ACOT11: variants seen among roughly 807,000 people sequenced by gnomAD.
ACOT11 encodes acyl-CoA thioesterase 11.
ACOT11 carries 69 observed loss-of-function variants against 77.5 expected under a neutral mutation model. The observed-to-expected ratio is 0.89, with a 90% confidence interval of 0.73 to 1.09. ACOT11 has a LOEUF of 1.09. Among genes scored for constraint, ACOT11 ranks in the 50% least tolerant of loss-of-function variants. The pLI is 0.00. For synonymous variants in ACOT11, 279 were observed against 313.0 expected (o/e 0.89, Z 1.15); for missense variants, 766 against 813.7 (o/e 0.94, Z 0.71).
At chr1:54,620,845 CAAAAAAAAAAAAAAA>C (rs767625864) in intron 15 of ACOT11, among the ~76,000 whole-genome samples, 24 of 12,136 alleles carry the variant, frequency 2.0e-3, no homozygotes, top group East Asian at 5.4e-3. Context: ...GAGACTCTGT[CAAAAAAAAAAAAAAA>C]AAAAAAAAAA....
In ACOT11 at chr1:54,599,421, G is replaced by A. The variant is rs140890441; in HGVS notation, c.884+6G>A. 1.3e-6 allele frequency: 2 copies of A among 1,598,652 alleles called. No homozygotes were observed. The highest frequency in any genetic ancestry group is 1.7e-6 in the Non-Finnish European group (2 of 1,171,292). On this transcript the variant is annotated splice_donor_region_variant and intron_variant, in intron 8 of 15. Coordinates refer to ENST00000343744, the MANE Select transcript of ACOT11 (RefSeq NM_147161.4). Reference sequence around the variant, plus strand: ...AACAATGCCTTCAAACATAGGTGAGGGTCTGGGATGGGTGCGGCCACGTCC... The same window carrying A: ...AACAATGCCTTCAAACATAGGTGAGAGTCTGGGATGGGTGCGGCCACGTCC...
chr1:54,611,843 A>G (rs915185334), downstream of ACOT11: 2 of 1,455,772 alleles, frequency 1.4e-6, no homozygotes, highest in Non-Finnish European at 1.9e-6. Flanking sequence ...GGCGCAGGGT[A>G]GAGCATCTGT....
chr1:54,569,722 A>G (rs300277), intron 1 of ACOT11, among the ~76,000 whole-genome samples: 71,118 of 152,152 alleles, frequency 0.47, 17,203 homozygotes, highest in South Asian at 0.55. Flanking sequence ...CTGTTTTCCC[A>G]TAAACAACTA....
chr1:54,609,105 C>A lies in ACOT11; in HGVS notation c.1778C>A (p.Thr593Asn). 1.9e-6 allele frequency: 3 copies of A among 1,614,114 alleles called. No homozygotes were observed. Among genetic ancestry groups the A allele is most frequent in the Non-Finnish European group, 2.5e-6 (3 of 1,180,000 alleles). ...NRNDLAPSLQ[T>N]L ...AATGATCTGGCCCCCAGCCTCCAGACCCTCTAGATGCCCTCAGTGGCCACA... is the reference window on the plus strand; with the variant it reads ...AATGATCTGGCCCCCAGCCTCCAGAACCTCTAGATGCCCTCAGTGGCCACA... The change falls in exon 16 of 16, where the codon ACC (threonine) becomes AAC (asparagine). Residue 593 changes from threonine to asparagine, a missense_variant. Transcript: ENST00000343744.
chr1:54,562,717 A>G (rs1438358235), intron 1 of ACOT11, among the ~76,000 whole-genome samples: 2 of 59,632 alleles, frequency 3.4e-5, no homozygotes, highest in Non-Finnish European at 6.8e-5. Flanking sequence ...GACGCTCCTC[A>G]CCTCCCAGAC....
intron 13 of ACOT11, 52 bp downstream of exon 13, chr1:54,605,261 GGA>G (rs1644011518): frequency 6.3e-7 from 1 of 1,587,486 alleles, no homozygotes; most frequent in Non-Finnish European, 8.6e-7. Context: ...GCCTGATGAG[GGA>G]GAGAGTGTCT....
intron 10 of ACOT11, among the ~76,000 whole-genome samples, chr1:54,602,985 G>A (rs888900983): frequency 1.3e-5 from 2 of 152,220 alleles, no homozygotes; most frequent in African/African-American, 4.8e-5. Flanking sequence ...AGCTGGCTGA[G>A]TCCAGCCGAT....
chr1:54,611,836 G>A (rs1329407398), downstream of ACOT11: 15 of 1,480,762 alleles, frequency 1.0e-5, no homozygotes, highest in Middle Eastern at 2.1e-4. Context: ...TCAGCTGGGC[G>A]CAGGGTAGAG....
chr1:54,619,723 T>G, intron 15 of ACOT11: 6 of 836,482 alleles, frequency 7.2e-6, no homozygotes, highest in Non-Finnish European at 9.3e-6. Context: ...TTAACCCCTC[T>G]GAGCCCCTAT....
intron 15 of ACOT11, chr1:54,623,252 A>G: frequency 6.5e-7 from 1 of 1,530,972 alleles, no homozygotes; most frequent in East Asian, 2.2e-5. Context: ...GAAGCCACTC[A>G]GGATGACATG....
Position 54,593,124 on chromosome 1 carries a change from C to A in ACOT11, c.372+518C>A, listed in dbSNP as rs373622820. 1.6e-4 allele frequency among the ~76,000 whole-genome samples: 24 copies of A among 152,282 alleles called. No homozygotes were observed. In the East Asian group the frequency reaches 2.7e-3, roughly 17 times the overall value. ...TGAGCTGTGGGGGAGGGCTCTATTT[C>A]CCACCTATGGACTTCAGGCCCAGGC... On this transcript the variant is annotated intron_variant, in intron 4 of 15. Coordinates refer to ENST00000343744, the MANE Select transcript of ACOT11 (RefSeq NM_147161.4).
intron 10 of ACOT11, among the ~76,000 whole-genome samples, chr1:54,603,210 G>C (rs540212529): frequency 6.6e-6 from 1 of 152,158 alleles, no homozygotes; most frequent in Non-Finnish European, 1.5e-5. Flanking sequence ...GGTGGCTCTC[G>C]CCTGTAGTCC....
At chr1:54,614,942 G>GTGTGTT, downstream of ACOT11, 2 of 522,180 alleles carry the variant, frequency 3.8e-6, no homozygotes, top group South Asian at 4.9e-5. Flanking sequence ...CAGAGCGGGT[G>GTGTGTT]TGTGTGTGTG....
At position 54,629,923 on chromosome 1, in the gene ACOT11, G is replaced by A. The variant is rs1011990400; in HGVS notation, c.1630-811G>A. Among the ~76,000 whole-genome samples, 3 of 130,518 alleles carry A rather than the reference G, an allele frequency of 2.3e-5. 1 individual carries two copies. Among genetic ancestry groups the A allele is most frequent in the Admixed American group, 1.6e-4 (2 of 12,700 alleles). The allele number at this position is 130,518 out of a possible 152,430, so 85.6% of individuals were successfully genotyped here. On this transcript the variant is annotated intron_variant, in intron 15 of 16. Coordinates refer to the ACOT11 transcript ENST00000371316. ...TTATTTTTATTTTTATGTTTGAGACGGAGTCTTGCTCTGTCGCCCAGGCTG... is the reference window on the plus strand; with the variant it reads ...TTATTTTTATTTTTATGTTTGAGACAGAGTCTTGCTCTGTCGCCCAGGCTG...
chr1:54,613,248 G>A (rs1400655227), downstream of ACOT11, among the ~76,000 whole-genome samples: 3 of 152,056 alleles, frequency 2.0e-5, no homozygotes, highest in Admixed American at 2.0e-4. Flanking sequence ...ACGTGGTGGC[G>A]CATGGCTATA....
intron 10 of ACOT11, 33 bp downstream of exon 10, chr1:54,602,757 G>A: frequency 1.3e-6 from 2 of 1,503,294 alleles, no homozygotes; most frequent in Non-Finnish European, 1.8e-6. Flanking sequence ...GCAGAATGTG[G>A]ATTCGGGGCT....
rs1238199302 is a variant in ACOT11 at position 54,610,298 on chromosome 1, A to G, written c.*1186A>G. The G allele has an allele frequency of 2.2e-5, 34 of 1,526,368 alleles. No homozygotes were observed. Among genetic ancestry groups the G allele is most frequent in the Non-Finnish European group, 2.5e-5 (29 of 1,140,130 alleles). The allele number at this position is 1,526,368 out of a possible 1,614,324, so 94.6% of individuals were successfully genotyped here. ...CCCTGCCCCACCTTGCATCCAGGGT[A>G]TGGTGTAAATAAACCTGTGTTGCCA... On this transcript the variant is annotated 3_prime_UTR_variant, in exon 16 of 16. Coordinates refer to ENST00000343744, the MANE Select transcript of ACOT11 (RefSeq NM_147161.4).
chr1:54,561,770 G>A (rs1653501192), intron 1 of ACOT11, among the ~76,000 whole-genome samples: 1 of 123,304 alleles, frequency 8.1e-6, no homozygotes, highest in Non-Finnish European at 1.7e-5. Context: ...GGGGCGGCTG[G>A]CCGGGCGGGG....
chr1:54,617,976 C>T (rs1449633019), intron 15 of ACOT11, among the ~76,000 whole-genome samples: 1 of 152,086 alleles, frequency 6.6e-6, no homozygotes, highest in Non-Finnish European at 1.5e-5. Context: ...ATCCACCCGC[C>T]TCAGCCTCCC....
Sources: allele counts gnomAD v4.1 joint callset (sites outside exome capture counted in the v4.1 genomes callset), GRCh38; gene constraint gnomAD v4.1.1; transcripts MANE v1.5; gene names NCBI Gene and HGNC (gene_info 2026-07-23, HGNC 2026-07-21).